Variants in SCAPER observed in about 807,000 individuals in gnomAD.
SCAPER encodes S phase cyclin A-associated protein in the endoplasmic reticulum.
Under a neutral mutation model 182.2 loss-of-function variants are expected in SCAPER, and 98 were observed. The observed-to-expected ratio is 0.54, with a 90% CI of 0.46 to 0.64. The LOEUF is 0.64. SCAPER is among the 30% of genes least tolerant of loss of function. SCAPER has a pLI of 0.00. For missense variants in SCAPER, 1,432 were observed against 1,690.0 expected (o/e 0.85, Z 2.68); for synonymous variants, 605 against 564.6 (o/e 1.07, Z -1.01).
At chr15:76,586,801 G>A (rs1360826449) in intron 22 of SCAPER, 1 of 151,944 alleles carries the variant, frequency 6.6e-6, no homozygotes, top group Non-Finnish European at 1.5e-5. Flanking sequence ...TGGTATTAGG[G>A]TGATACTGGC....
At chr15:76,521,135 G>A (rs117259812) in intron 23 of SCAPER, among the ~76,000 whole-genome samples, 4,488 of 152,160 alleles carry the variant, frequency 0.029, 88 homozygotes, top group Non-Finnish European at 0.047. Context: ...GATTAGCAAG[G>A]AATGTGAAAA....
At chr15:76,787,179 T>TA (rs1311153936) in intron 8 of SCAPER, among the ~76,000 whole-genome samples, 1 of 152,076 alleles carries the variant, frequency 6.6e-6, no homozygotes, top group Non-Finnish European at 1.5e-5. Context: ...CTAAAATAGC[T>TA]AAAAACAATT....
At chr15:76,735,048 T>G (rs1034935807) in intron 15 of SCAPER, among the ~76,000 whole-genome samples, 1 of 152,034 alleles carries the variant, frequency 6.6e-6, no homozygotes, top group African/African-American at 2.4e-5. Context: ...AAAGTCAGAT[T>G]AAACAACTCA....
intron 23 of SCAPER, among the ~76,000 whole-genome samples, chr15:76,512,516 C>T (rs960445676): frequency 6.6e-6 from 1 of 151,826 alleles, no homozygotes; most frequent in East Asian, 1.9e-4. Flanking sequence ...ATCAGTCTGT[C>T]GACAGGGAAA....
At chr15:76,518,564 A>C (rs909634117) in intron 23 of SCAPER, among the ~76,000 whole-genome samples, 3 of 152,104 alleles carry the variant, frequency 2.0e-5, no homozygotes, top group African/African-American at 7.2e-5. Flanking sequence ...TCTCAGATGG[A>C]TTATCTGGAG....
At position 76,594,647 on chromosome 15, in the gene SCAPER, G is replaced by C. The variant is rs998994043; in HGVS notation, c.2712-20363C>G. On this transcript the variant is annotated intron_variant, in intron 22 of 31. Coordinates refer to ENST00000563290, the MANE Select transcript of SCAPER (RefSeq NM_020843.4). ...GGATCTCTCTGCAGAAACTCTACAA[G>C]CCAGAAGAGAGTAGGGGCCAATACT... 3.0e-4 allele frequency among the ~76,000 whole-genome samples: 37 copies of C among 121,848 alleles called. 8 individuals carry two copies. The highest frequency in any genetic ancestry group is 8.5e-4 in the African/African-American group (34 of 39,906). 79.9% of individuals were successfully genotyped at this position (121,848 alleles called of 152,430 possible).
chr15:76,485,964 T>C (rs1295845197), intron 24 of SCAPER, among the ~76,000 whole-genome samples: 2 of 152,124 alleles, frequency 1.3e-5, no homozygotes, highest in African/African-American at 4.8e-5. Flanking sequence ...TCTCAGTCCT[T>C]TGGGAGGCCG....
intron 23 of SCAPER, among the ~76,000 whole-genome samples, chr15:76,541,620 T>C (rs2044760442): frequency 6.6e-6 from 1 of 152,220 alleles, no homozygotes; most frequent in South Asian, 2.1e-4. Flanking sequence ...TGACTCTATA[T>C]GCTTCTTGTC....
intron 8 of SCAPER, among the ~76,000 whole-genome samples, chr15:76,778,969 A>G (rs2063920593): frequency 6.6e-6 from 1 of 152,088 alleles, no homozygotes; most frequent in Non-Finnish European, 1.5e-5. Flanking sequence ...ATCCTGAACA[A>G]AGAAAATTAC....
intron 17 of SCAPER, among the ~76,000 whole-genome samples, chr15:76,721,362 T>C (rs1365658586): frequency 6.6e-6 from 1 of 152,012 alleles, no homozygotes; most frequent in East Asian, 1.9e-4. Context: ...GGTAGTGTGA[T>C]GCCTCCAGCT....
At chr15:76,474,163 T>C (rs2050433080) in intron 24 of SCAPER, among the ~76,000 whole-genome samples, 1 of 152,194 alleles carries the variant, frequency 6.6e-6, no homozygotes, top group Non-Finnish European at 1.5e-5. Context: ...TTGGTGGTAC[T>C]AGTTGGGAAA....
rs140117435 is a variant in SCAPER at position 76,625,338 on chromosome 15, G to C, written c.2646-3509C>G. On this transcript the variant is annotated intron_variant, in intron 21 of 31. Coordinates refer to ENST00000563290, the MANE Select transcript of SCAPER (RefSeq NM_020843.4). ...CAGCACCCATATGCAGAGGCAGCTG[G>C]GAAGCATGCACATTGCTTGTGCTTT... Among the ~76,000 whole-genome samples the C allele has an allele frequency of 2.8e-3, 423 of 152,302 alleles. 1 individual carries two copies. The highest frequency in any genetic ancestry group is 9.8e-3 in the African/African-American group (408 of 41,562).
Position 76,703,603 on chromosome 15 carries a change from A to G in SCAPER, c.2248-601T>C, listed in dbSNP as rs146263637. Among the ~76,000 whole-genome samples, 605 of 152,146 alleles carry G rather than the reference A, an allele frequency of 4.0e-3. 3 individuals are homozygous for G. Among genetic ancestry groups the G allele is most frequent in the Admixed American group, 7.0e-3 (107 of 15,282 alleles). The stretch of plus-strand genomic sequence containing the variant: ...ATATGGCTAGAATGGCATCGCACCT[A>G]CCTATCCATTTTACTCATCCTCCTT... On this transcript the variant is annotated intron_variant, in intron 18 of 31. Coordinates refer to ENST00000563290, the MANE Select transcript of SCAPER (RefSeq NM_020843.4).
intron 23 of SCAPER, among the ~76,000 whole-genome samples, chr15:76,551,207 G>T (rs2045741411): frequency 6.6e-6 from 1 of 152,082 alleles, no homozygotes; most frequent in Non-Finnish European, 1.5e-5. Context: ...CCTGCTAGTG[G>T]CTACTTATCC....
intron 29 of SCAPER, among the ~76,000 whole-genome samples, chr15:76,373,947 C>A (rs536111107): frequency 3.1e-3 from 466 of 150,982 alleles, no homozygotes; most frequent in African/African-American, 0.011. Flanking sequence ...TTTCAGCTCT[C>A]GTTGTACAGC....
At chr15:76,870,390 T>A (rs1172247187) in intron 2 of SCAPER, among the ~76,000 whole-genome samples, 1 of 151,258 alleles carries the variant, frequency 6.6e-6, no homozygotes, top group Non-Finnish European at 1.5e-5. Flanking sequence ...ATAAAATAAA[T>A]TACTGGGCAT....
rs570700867 is a variant in SCAPER at position 76,389,275 on chromosome 15, C to T, written c.3468-7660G>A. Among the ~76,000 whole-genome samples, 160 of 151,504 alleles carry T rather than the reference C, an allele frequency of 1.1e-3. 3 individuals are homozygous for T. The highest frequency in any genetic ancestry group is 3.7e-3 in the African/African-American group (154 of 41,274). On this transcript the variant is annotated intron_variant, in intron 27 of 31. Transcript: ENST00000563290. ...CAGAACTTTGGGAGGCTGAGGTGGGCGGATCACCTGAGGTCAGGAGTTCAA... is the reference window on the plus strand; with the variant it reads ...CAGAACTTTGGGAGGCTGAGGTGGGTGGATCACCTGAGGTCAGGAGTTCAA...
chr15:76,358,370 T>C (rs1017520713), intron 29 of SCAPER, among the ~76,000 whole-genome samples: 10 of 152,242 alleles, frequency 6.6e-5, no homozygotes, highest in Non-Finnish European at 1.5e-4. Context: ...AAGAAGTTTA[T>C]AGATTCAATA....
At chr15:76,830,144 G>C (rs1028507400) in intron 5 of SCAPER, among the ~76,000 whole-genome samples, 1 of 152,034 alleles carries the variant, frequency 6.6e-6, no homozygotes, top group Non-Finnish European at 1.5e-5. Flanking sequence ...ATTAGAACAT[G>C]GAAAGGCCAG....
Sources: gnomAD v4.1 joint callset for allele counts (sites outside exome capture counted in the v4.1 genomes callset) on GRCh38, gnomAD v4.1.1 for gene constraint, MANE v1.5 for transcripts, NCBI Gene and HGNC (gene_info 2026-07-23, HGNC 2026-07-21) for gene names.